ENTPD1: variants seen among roughly 807,000 people sequenced by gnomAD.
ENTPD1 encodes the protein ectonucleoside triphosphate diphosphohydrolase 1.
ENTPD1 carries 33 observed loss-of-function variants against 57.0 expected under a neutral mutation model. The ratio of observed to expected loss-of-function variants is 0.58; its 90% CI spans 0.44 to 0.77. The LOEUF (loss-of-function observed/expected upper bound fraction) is 0.77. Ranked by LOEUF, ENTPD1 falls within the 30% of genes least tolerant of loss-of-function variation. The pLI is 0.00. For missense variants in ENTPD1, 501 were observed against 603.4 expected (o/e 0.83, Z 1.78); for synonymous variants, 202 against 218.8 (o/e 0.92, Z 0.68).
chr10:95,706,147 A>C, the ENTPD1 span, among the ~76,000 whole-genome samples: 1 of 152,206 alleles, frequency 6.6e-6, no homozygotes, highest in Non-Finnish European at 1.5e-5. Context: ...CAAGATACAC[A>C]AAAGAACATA....
intron 2 of ENTPD1, among the ~76,000 whole-genome samples, chr10:95,827,382 G>A (rs530813331): frequency 6.6e-6 from 1 of 152,038 alleles, no homozygotes; most frequent in African/African-American, 2.4e-5. Flanking sequence ...TTGAACCTGG[G>A]AGGTGAAGGT....
intron 2 of ENTPD1, among the ~76,000 whole-genome samples, chr10:95,832,543 G>C (rs2098399650): frequency 6.6e-6 from 1 of 152,094 alleles, no homozygotes; most frequent in South Asian, 2.1e-4. Flanking sequence ...CTGAACACTG[G>C]CAGTTAGTGG....
chr10:95,826,733 G>T (rs956395639), intron 2 of ENTPD1, among the ~76,000 whole-genome samples: 2 of 152,164 alleles, frequency 1.3e-5, no homozygotes, highest in African/African-American at 4.8e-5. Flanking sequence ...CTGCAAGACA[G>T]GTTGAGGATT....
chr10:95,779,943 A>G (rs2098149966), intron 1 of ENTPD1, among the ~76,000 whole-genome samples: 1 of 152,082 alleles, frequency 6.6e-6, no homozygotes, highest in Non-Finnish European at 1.5e-5. Flanking sequence ...CTCAATTTAG[A>G]TGTGAGGAGG....
chr10:95,737,901 A>G (rs1182126085), intron 1 of ENTPD1, among the ~76,000 whole-genome samples: 1 of 152,234 alleles, frequency 6.6e-6, no homozygotes, highest in Non-Finnish European at 1.5e-5. Context: ...ATAGGTGGCC[A>G]AATTAGCTGG....
In ENTPD1 at chr10:95,872,053, G is replaced by C. The variant is rs1177361765; in HGVS notation, c.*5670G>C. 4 of 985,210 alleles carry C rather than the reference G, an allele frequency of 4.1e-6. No homozygotes were observed. Among genetic ancestry groups the C allele is most frequent in the Non-Finnish European group, 4.8e-6 (4 of 829,930 alleles). 61.0% of individuals were successfully genotyped at this position (985,210 alleles called of 1,614,324 possible). A position where few individuals can be genotyped will look rare whatever the true frequency, so the allele number is the denominator to read the frequency against. ...GAACCAAGATCAGCTCCATCACTGG[G>C]ACCTCCCCATTCTGCCTGTGCAATA... is the stretch of plus-strand genomic sequence containing the variant. On this transcript the variant is annotated 3_prime_UTR_variant, in exon 10 of 10. Transcript: ENST00000371205.
chr10:95,700,492 A>C, the ENTPD1 span, among the ~76,000 whole-genome samples: 4 of 151,992 alleles, frequency 2.6e-5, no homozygotes, highest in East Asian at 7.7e-4. Flanking sequence ...TTTGAGACCA[A>C]CCTGGGCAAC....
chr10:95,729,293 A>G (rs2097986933), intron 1 of ENTPD1, among the ~76,000 whole-genome samples: 1 of 152,206 alleles, frequency 6.6e-6, no homozygotes, highest in Admixed American at 6.5e-5. Flanking sequence ...ACCTATATGG[A>G]AAGTGGCTTA....
intron 1 of ENTPD1, among the ~76,000 whole-genome samples, chr10:95,743,500 G>A (rs1375111888): frequency 6.6e-6 from 1 of 152,042 alleles, no homozygotes; most frequent in Non-Finnish European, 1.5e-5. Context: ...CCTAGAGAGT[G>A]GAGTATTTAT....
chr10:95,854,444 G>T (rs923943305), intron 7 of ENTPD1, among the ~76,000 whole-genome samples: 1 of 152,060 alleles, frequency 6.6e-6, no homozygotes, highest in African/African-American at 2.4e-5. Flanking sequence ...CAGTTCTGCT[G>T]TGATCTTAGT....
chr10:95,711,399 C>T (rs114864627), upstream of ENTPD1, among the ~76,000 whole-genome samples: 207 of 152,358 alleles, frequency 1.4e-3, no homozygotes, highest in African/African-American at 4.9e-3. Context: ...AGCATTAGAT[C>T]ACACTCTTTT....
chr10:95,748,946 C>T (rs987128217), intron 1 of ENTPD1, among the ~76,000 whole-genome samples: 1 of 152,162 alleles, frequency 6.6e-6, no homozygotes, highest in Non-Finnish European at 1.5e-5. Context: ...CTTTTCCCCA[C>T]AAACTGGTAT....
At chr10:95,812,206 T>C (rs1392495184) in intron 1 of ENTPD1, among the ~76,000 whole-genome samples, 1 of 152,272 alleles carries the variant, frequency 6.6e-6, no homozygotes. Flanking sequence ...AATATTTCTA[T>C]TATTTCCAAA....
At position 95,791,499 on chromosome 10, in the gene ENTPD1, C is replaced by T. The variant is rs1216985159; in HGVS notation, c.17-31738C>T. On this transcript the variant is annotated intron_variant, in intron 1 of 9. Coordinates refer to ENST00000371205, the MANE Select transcript of ENTPD1 (RefSeq NM_001776.6). This position sits in a 1 kb window ranked among gnomAD's most constrained non-coding sequence, Gnocchi z 4.1. The stretch of plus-strand genomic sequence containing the variant: ...TTGCTTTGTAGCTTCGAGCTGGGAT[C>T]AGAGAGTGGAAGTTAGAATGAAACA... Among the ~76,000 whole-genome samples the T allele has an allele frequency of 6.6e-6, 1 of 152,138 alleles. No individual in the cohort carries two copies. The highest frequency in any genetic ancestry group is 2.4e-5 in the African/African-American group (1 of 41,436).
At chr10:95,762,024 A>G (rs571171826) in intron 1 of ENTPD1, among the ~76,000 whole-genome samples, 1 of 152,284 alleles carries the variant, frequency 6.6e-6, no homozygotes, top group South Asian at 2.1e-4. Context: ...GGGGGTTGTG[A>G]AGAGAAAATA....
At chr10:95,741,180 G>A (rs1005526672) in intron 1 of ENTPD1, among the ~76,000 whole-genome samples, 5 of 152,162 alleles carry the variant, frequency 3.3e-5, no homozygotes, top group African/African-American at 1.2e-4. Flanking sequence ...AGTGAGAGAT[G>A]TGTGACTTTT....
chr10:95,854,982 T>C (rs11188508), intron 7 of ENTPD1, among the ~76,000 whole-genome samples: 11,158 of 152,236 alleles, frequency 0.073, 449 homozygotes, highest in African/African-American at 0.097. Context: ...GTTCAATTCC[T>C]GGATATCCTT....
chr10:95,788,356 G>A (rs150091753), intron 1 of ENTPD1, among the ~76,000 whole-genome samples: 2,382 of 152,208 alleles, frequency 0.016, 60 homozygotes, highest in African/African-American at 0.054. Context: ...AGTGGCTCAC[G>A]CCTGTAATCC....
chr10:95,847,403 A>G, intron 6 of ENTPD1, 43 bp from the exon 7 acceptor site: 1 of 1,613,276 alleles, frequency 6.2e-7, no homozygotes, highest in Non-Finnish European at 8.5e-7. Context: ...TTTTGTATCC[A>G]AAGCGTTCAC....
Sources: allele counts gnomAD v4.1 joint callset (sites outside exome capture counted in the v4.1 genomes callset), GRCh38; gene constraint gnomAD v4.1.1; non-coding constraint Gnocchi (gnomAD v3.1); transcripts MANE v1.5; gene names NCBI Gene and HGNC (gene_info 2026-07-23, HGNC 2026-07-21).